The following GUCY2F variants were observed in gnomAD, a reference collection of about 807,000 sequenced individuals.
The protein encoded by GUCY2F is retinal guanylyl cyclase 2.
GUCY2F carries 61 observed loss-of-function variants against 73.1 expected under a neutral mutation model. The observed-to-expected ratio is 0.83, with a 90% confidence interval of 0.68 to 1.03. GUCY2F has a LOEUF of 1.03. GUCY2F is among the 50% of genes least tolerant of loss of function. The pLI, the probability that GUCY2F is intolerant of heterozygous loss-of-function variation, is 0.00. For missense variants in GUCY2F, 912 were observed against 854.3 expected (o/e 1.07, Z -0.84); for synonymous variants, 331 against 307.8 (o/e 1.08, Z -0.79).
chrX:109,458,256 C>T (rs189012990), intron 3 of GUCY2F, among the ~76,000 whole-genome samples: 233 of 112,153 alleles, frequency 2.1e-3, no homozygotes, highest in Non-Finnish European at 3.3e-3. Context: ...CACAACAAGC[C>T]TAATGTGTGG....
chrX:109,427,274 A>T (rs754780451), intron 8 of GUCY2F, among the ~76,000 whole-genome samples: 1 of 112,296 alleles, frequency 8.9e-6, no homozygotes, highest in African/African-American at 3.2e-5. Context: ...AAAGAAAGAG[A>T]CACTCTCTAA....
chrX:109,478,160 T>C (rs867145800), intron 1 of GUCY2F, among the ~76,000 whole-genome samples: 1 of 112,023 alleles, frequency 8.9e-6, no homozygotes, highest in Admixed American at 9.4e-5. Flanking sequence ...CTGTGCACTA[T>C]GTTGAATGCA....
At chrX:109,398,913 C>A (rs750789451) in intron 10 of GUCY2F, among the ~76,000 whole-genome samples, 1 of 111,821 alleles carries the variant, frequency 8.9e-6, no homozygotes, top group Non-Finnish European at 1.9e-5. Context: ...CCCAGGACCA[C>A]GCAGGCAGAC....
At chrX:109,404,156 GC>G (rs1326434779) in intron 10 of GUCY2F, among the ~76,000 whole-genome samples, 171 bp downstream of exon 10, 1 of 112,486 alleles carries the variant, frequency 8.9e-6, no homozygotes. Context: ...GCTTGGCTGG[GC>G]CGAGGTTACA....
chrX:109,458,910 T>C (rs761954843), intron 3 of GUCY2F, among the ~76,000 whole-genome samples: 1 of 111,369 alleles, frequency 9.0e-6, no homozygotes, highest in South Asian at 3.8e-4. Context: ...CTTAAGGCAG[T>C]CTGCCTTCAA....
At chrX:109,402,264 C>A (rs932000945) in intron 10 of GUCY2F, among the ~76,000 whole-genome samples, 3 of 111,113 alleles carry the variant, frequency 2.7e-5, no homozygotes, top group African/African-American at 9.8e-5. Flanking sequence ...AAGCACAAAA[C>A]CAGAAAAGAG....
chrX:109,479,015 G>A (rs1932746369), intron 1 of GUCY2F, among the ~76,000 whole-genome samples: 1 of 111,610 alleles, frequency 9.0e-6, no homozygotes, highest in South Asian at 3.8e-4. Flanking sequence ...GTTGGGGAGG[G>A]GCAGAGTAAA....
intron 3 of GUCY2F, among the ~76,000 whole-genome samples, chrX:109,463,648 A>G: frequency 1.8e-5 from 2 of 110,614 alleles, no homozygotes; most frequent in Non-Finnish European, 3.8e-5. Flanking sequence ...CGTGTTAGCC[A>G]GGATGGTCTC....
At chrX:109,385,689 G>A (rs1930420208) in intron 15 of GUCY2F, among the ~76,000 whole-genome samples, 1 of 111,927 alleles carries the variant, frequency 8.9e-6, no homozygotes, top group Non-Finnish European at 1.9e-5. Flanking sequence ...GGTTTATCTG[G>A]TTCCCAAACT....
At chrX:109,387,925 G>A (rs925129024) in intron 15 of GUCY2F, among the ~76,000 whole-genome samples, 6 of 111,639 alleles carry the variant, frequency 5.4e-5, no homozygotes, top group African/African-American at 9.8e-5. Context: ...GACAAGGACC[G>A]GGGAAAGTGG....
At position 109,454,602 on chromosome X, in the gene GUCY2F, T is replaced by C. The variant is rs1399235057; in HGVS notation, c.1033-743A>G. Among the ~76,000 whole-genome samples, 26 of 112,238 alleles carry C rather than the reference T, an allele frequency of 2.3e-4. 1 individual carries two copies. Among genetic ancestry groups the C allele is most frequent in the Non-Finnish European group, 1.9e-5 (1 of 53,225 alleles). On this transcript the variant is annotated intron_variant, in intron 3 of 19. Coordinates refer to ENST00000218006, the MANE Select transcript of GUCY2F (RefSeq NM_001522.3). ...AGTAAGACTGCTAAGGTGGATAGCA[T>C]AACTATGCCTGCTAAATAAATATGG...
At chrX:109,461,059 A>G (rs2147280313) in intron 3 of GUCY2F, among the ~76,000 whole-genome samples, 1 of 112,250 alleles carries the variant, frequency 8.9e-6, no homozygotes, top group African/African-American at 3.2e-5. Context: ...TAAAAATACT[A>G]AATATGGATT....
chrX:109,443,197 C>A (rs1931915018), intron 6 of GUCY2F, among the ~76,000 whole-genome samples: 1 of 111,176 alleles, frequency 9.0e-6, no homozygotes, highest in Non-Finnish European at 1.9e-5. Flanking sequence ...CCAATACAAG[C>A]CAAATGCCAA....
At chrX:109,450,238 T>C (rs941895980) in intron 5 of GUCY2F, among the ~76,000 whole-genome samples, 1 of 111,338 alleles carries the variant, frequency 9.0e-6, no homozygotes, top group African/African-American at 3.3e-5. Flanking sequence ...CTCCAATAAT[T>C]TTCCTCTCCA....
chrX:109,473,389 T>C (rs1430268025), intron 2 of GUCY2F, among the ~76,000 whole-genome samples: 2 of 111,653 alleles, frequency 1.8e-5, no homozygotes, highest in Non-Finnish European at 3.8e-5. Context: ...GCAAGAAATA[T>C]TTATTTGATT....
intron 14 of GUCY2F, among the ~76,000 whole-genome samples, chrX:109,390,074 CATT>C (rs1454196176): frequency 9.0e-6 from 1 of 111,421 alleles, no homozygotes; most frequent in African/African-American, 3.3e-5. Context: ...AGTGGCTGGC[CATT>C]ATCAGAGATT....
At chrX:109,434,785 T>A (rs1333390417) in intron 7 of GUCY2F, among the ~76,000 whole-genome samples, 1 of 111,405 alleles carries the variant, frequency 9.0e-6, no homozygotes. Context: ...CTTTAATCCA[T>A]CTTAAATTAA....
chrX:109,435,662 A>C (rs1458079350), intron 7 of GUCY2F, among the ~76,000 whole-genome samples: 1 of 110,022 alleles, frequency 9.1e-6, no homozygotes, highest in Non-Finnish European at 1.9e-5. Context: ...TTCCAACACT[A>C]TGTTGAATAG....
chrX:109,441,362 C>T lies in GUCY2F; in HGVS notation c.1690G>A (p.Ala564Thr), dbSNP rs767349052. The part of the protein sequence containing the change: ...TPATYENSNI[A>T]IYEGDWVWLK... ...GTTGAATATCTTACCTCATAAATCGCTATGTTGGAGTTTTCATAGGTAGCT... is the reference window on the plus strand; with the variant it reads ...GTTGAATATCTTACCTCATAAATCGTTATGTTGGAGTTTTCATAGGTAGCT... Residue 564 changes from alanine to threonine, a missense_variant, in exon 7 of 20, where the codon GCG (alanine) becomes ACG (threonine). Ala to Thr is a moderately conservative substitution (Grantham distance 58). Coordinates refer to ENST00000218006, the MANE Select transcript of GUCY2F (RefSeq NM_001522.3). 2 of 1,142,820 alleles carry T rather than the reference C, an allele frequency of 1.8e-6. No homozygotes were observed. Among genetic ancestry groups the T allele is most frequent in the Non-Finnish European group, 2.3e-6 (2 of 851,713 alleles). The allele number at this position is 1,142,820 out of a possible 1,213,427, so 94.2% of individuals were successfully genotyped here. A position where few individuals can be genotyped will look rare whatever the true frequency, so the allele number is the denominator to read the frequency against.
Sources: allele counts gnomAD v4.1 joint callset (sites outside exome capture counted in the v4.1 genomes callset), GRCh38; gene constraint gnomAD v4.1.1; transcripts MANE v1.5; gene names NCBI Gene and HGNC (gene_info 2026-07-23, HGNC 2026-07-21).